The following DTNA variants were observed in gnomAD, a reference collection of about 807,000 sequenced individuals.
DTNA encodes the protein dystrophin-related protein 3.
DTNA carries 43 observed loss-of-function variants against 100.7 expected under a neutral mutation model. The observed-to-expected ratio is 0.43, with a 90% CI of 0.33 to 0.55. The LOEUF is 0.55. Among genes scored for constraint, DTNA ranks in the 20% least tolerant of loss-of-function variants. DTNA has a pLI of 0.04. For missense variants in DTNA, 798 were observed against 953.9 expected, an observed-to-expected ratio of 0.84 and a Z score of 2.15; for synonymous variants, 349 against 347.9, an observed-to-expected ratio of 1.00 and a Z score of -0.04.
chr18:34,536,369 C>G (rs1386576994), intron 1 of DTNA, among the ~76,000 whole-genome samples: 1 of 151,834 alleles, frequency 6.6e-6, no homozygotes, highest in African/African-American at 2.4e-5. Flanking sequence ...AATGGTTTTT[C>G]AAGTAAACTT....
intron 15 of DTNA, among the ~76,000 whole-genome samples, chr18:34,854,470 C>A (rs1212325597): frequency 6.6e-6 from 1 of 152,034 alleles, no homozygotes; most frequent in Non-Finnish European, 1.5e-5. Flanking sequence ...GTGAGTGTCC[C>A]ATAATAAAGG....
intron 1 of DTNA, among the ~76,000 whole-genome samples, chr18:34,544,591 G>C (rs1426332517): frequency 1.3e-5 from 2 of 152,040 alleles, no homozygotes; most frequent in Non-Finnish European, 2.9e-5. Flanking sequence ...TTTTAAATTA[G>C]AGTACATATA....
intron 1 of DTNA, among the ~76,000 whole-genome samples, chr18:34,651,671 T>C (rs919950450): frequency 6.6e-5 from 10 of 152,290 alleles, no homozygotes; most frequent in Middle Eastern, 6.8e-3. Context: ...AAAATTTCAT[T>C]ACGATGCAAT....
chr18:34,711,891 T>C lies in DTNA; in HGVS notation c.-2+1446T>C, dbSNP rs560169913. Among the ~76,000 whole-genome samples the C allele has an allele frequency of 3.3e-5, 5 of 152,312 alleles. 1 individual carries two copies. Among genetic ancestry groups the C allele is most frequent in the Admixed American group, 3.3e-4 (5 of 15,292 alleles). On this transcript the variant is annotated intron_variant, in intron 1 of 22. Coordinates refer to ENST00000444659, the MANE Select transcript of DTNA (RefSeq NM_001386795.1). ...CTATAATAGCATCTAATATTGTAAATGTTCATGCTTGTATCTGAATTTATT... is the reference window on the plus strand; with the variant it reads ...CTATAATAGCATCTAATATTGTAAACGTTCATGCTTGTATCTGAATTTATT...
At chr18:34,594,048 A>AG (rs1349548177) in intron 1 of DTNA, among the ~76,000 whole-genome samples, 2 of 152,144 alleles carry the variant, frequency 1.3e-5, no homozygotes, top group East Asian at 3.9e-4. Flanking sequence ...AAAGCAACTG[A>AG]GAAAAAAAAT....
chr18:34,603,028 A>C (rs933404315), intron 1 of DTNA, among the ~76,000 whole-genome samples: 10 of 151,458 alleles, frequency 6.6e-5, no homozygotes, highest in Non-Finnish European at 1.3e-4. Context: ...AATAAAAAAT[A>C]AATTTAATTT....
At chr18:34,499,883 G>A (rs867564747) in intron 1 of DTNA, among the ~76,000 whole-genome samples, 2 of 151,980 alleles carry the variant, frequency 1.3e-5, no homozygotes, top group African/African-American at 4.8e-5. Flanking sequence ...TAAGATATGT[G>A]GTTTGCATTG....
intron 13 of DTNA, among the ~76,000 whole-genome samples, chr18:34,840,793 T>C (rs1348654005): frequency 2.0e-5 from 3 of 152,106 alleles, no homozygotes; most frequent in African/African-American, 7.2e-5. Context: ...TTTCTCATAG[T>C]TTTTTCTATC....
Position 34,586,934 on chromosome 18 carries a change from C to T in DTNA, c.-2+93420C>T, listed in dbSNP as rs147090176. 2.6e-3 allele frequency among the ~76,000 whole-genome samples: 400 copies of T among 151,908 alleles called. 2 individuals carry two copies. Among genetic ancestry groups the T allele is most frequent in the African/African-American group, 8.8e-3 (363 of 41,380 alleles). On this transcript the variant is annotated intron_variant, in intron 1 of 19. Transcript: ENST00000283365. ...CCACAAAGGAAAAATACCCCCACCC[C>T]AGGGTATAGAAAAAATACAACAAAA...
intron 1 of DTNA, among the ~76,000 whole-genome samples, chr18:34,495,739 A>G (rs991655849): frequency 6.6e-6 from 1 of 152,224 alleles, no homozygotes; most frequent in Non-Finnish European, 1.5e-5. Context: ...GTGAAGACTG[A>G]AATCAAATTT....
intron 1 of DTNA, among the ~76,000 whole-genome samples, chr18:34,682,157 A>G (rs1392959770): frequency 6.6e-6 from 1 of 152,120 alleles, no homozygotes; most frequent in East Asian, 1.9e-4. Flanking sequence ...GTTGAATAAT[A>G]TTCCACTGCC....
chr18:34,790,657 C>T (rs1302613313), intron 3 of DTNA, among the ~76,000 whole-genome samples: 1 of 148,834 alleles, frequency 6.7e-6, no homozygotes, highest in Non-Finnish European at 1.5e-5. Flanking sequence ...CTGCAAGCTC[C>T]GCCTCCCGGC....
At chr18:34,593,291 G>A (rs907052340) in intron 1 of DTNA, 29 of 152,204 alleles carry the variant, frequency 1.9e-4, no homozygotes, top group African/African-American at 6.8e-4. Context: ...CTGCCAGTGG[G>A]ACTTCAATGG....
At chr18:34,611,220 G>A (rs953522796) in intron 1 of DTNA, among the ~76,000 whole-genome samples, 1 of 152,140 alleles carries the variant, frequency 6.6e-6, no homozygotes, top group Non-Finnish European at 1.5e-5. Flanking sequence ...TTTTTTGGAG[G>A]TAGCTGGTGT....
At chr18:34,765,685 G>A (rs2093430686) in intron 2 of DTNA, among the ~76,000 whole-genome samples, 1 of 152,132 alleles carries the variant, frequency 6.6e-6, no homozygotes, top group Non-Finnish European at 1.5e-5. Context: ...CAGAAGTGGT[G>A]GACACAACAG....
At chr18:34,848,115 C>T (rs934951881) in intron 13 of DTNA, among the ~76,000 whole-genome samples, 181 bp from the exon 14 acceptor site, 52 of 152,224 alleles carry the variant, frequency 3.4e-4, no homozygotes, top group African/African-American at 1.1e-3. Flanking sequence ...ATGACCTTCC[C>T]GACTATATAT....
chr18:34,684,121 A>G (rs2145601865), intron 1 of DTNA, among the ~76,000 whole-genome samples: 1 of 152,242 alleles, frequency 6.6e-6, no homozygotes. Flanking sequence ...ATTAGTCATT[A>G]CAATAATGAA....
chr18:34,618,117 G>A (rs989356549), intron 1 of DTNA, among the ~76,000 whole-genome samples: 8 of 152,076 alleles, frequency 5.3e-5, no homozygotes, highest in Admixed American at 1.3e-4. Flanking sequence ...TTAATTTTCC[G>A]GAAGAGGAAA....
chr18:34,668,342 G>C (rs978002536), intron 1 of DTNA, among the ~76,000 whole-genome samples: 18 of 152,074 alleles, frequency 1.2e-4, no homozygotes, highest in Non-Finnish European at 2.1e-4. Flanking sequence ...CTTGCTAGCG[G>C]TCTATCAATT....
Sources: allele counts gnomAD v4.1 joint callset (sites outside exome capture counted in the v4.1 genomes callset), GRCh38; gene constraint gnomAD v4.1.1; transcripts MANE v1.5; gene names NCBI Gene and HGNC (gene_info 2026-07-23, HGNC 2026-07-21).